The following TRIM14 variants were observed in gnomAD, a reference collection of about 807,000 sequenced individuals.
TRIM14 encodes the protein tripartite motif containing 14.
TRIM14 carries 28 observed loss-of-function variants against 44.5 expected under a neutral mutation model. That is an observed-to-expected ratio of 0.63 (90% confidence interval 0.47 to 0.86). The LOEUF (loss-of-function observed/expected upper bound fraction) is 0.86, where lower values mean the gene tolerates loss of function less well. Among genes scored for constraint, TRIM14 ranks in the 40% least tolerant of loss-of-function variants. TRIM14 has a pLI of 0.00. For synonymous variants in TRIM14, 299 were observed against 269.2 expected (o/e 1.11, Z -1.08); for missense variants, 607 against 611.1 (o/e 0.99, Z 0.07).
downstream of TRIM14, among the ~76,000 whole-genome samples, chr9:98,083,915 C>T (rs764245522): frequency 6.6e-6 from 1 of 152,134 alleles, no homozygotes; most frequent in Non-Finnish European, 1.5e-5. Context: ...TTTGTTTACA[C>T]GTAAGTGAGA....
chr9:98,092,445 C>T, intron 4 of TRIM14: 1 of 361,468 alleles, frequency 2.8e-6, no homozygotes, highest in Non-Finnish European at 5.6e-6. Flanking sequence ...ACCCTTCCCC[C>T]CTTGCCCAGG....
At chr9:98,081,395 GGAGT>G, downstream of TRIM14, 1 of 310,528 alleles carries the variant, frequency 3.2e-6, no homozygotes, top group Non-Finnish European at 6.0e-6. Flanking sequence ...ATATGTAACA[GGAGT>G]GAGGCCCTGG....
At chr9:98,067,536 A>G (rs1829183890), downstream of TRIM14, among the ~76,000 whole-genome samples, 1 of 152,160 alleles carries the variant, frequency 6.6e-6, no homozygotes, top group African/African-American at 2.4e-5. Flanking sequence ...CTTTGGAAGA[A>G]TGTCTATTCA....
chr9:98,076,657 C>A (rs1326633111), intron 6 of TRIM14: 1 of 411,648 alleles, frequency 2.4e-6, no homozygotes, highest in Non-Finnish European at 4.3e-6. Context: ...TGAGCCACCA[C>A]GCCCAGCCCT....
chr9:98,102,552 C>T (rs1406074785), intron 2 of TRIM14, among the ~76,000 whole-genome samples: 1 of 152,162 alleles, frequency 6.6e-6, no homozygotes, highest in East Asian at 1.9e-4. Flanking sequence ...ACCTCGAAGA[C>T]ATCATCCCCA....
At position 98,077,145 on chromosome 9, in the gene TRIM14, T is replaced by C. The variant is rs553275973; in HGVS notation, c.*29-7458A>G. 6.9e-5 allele frequency: 48 copies of C among 699,266 alleles called. No individual in the cohort carries two copies. The South Asian group carries it at 9.1e-4, about 13-fold the overall frequency. 43.3% of individuals were successfully genotyped at this position (699,266 alleles called of 1,614,324 possible). A position where few individuals can be genotyped will look rare whatever the true frequency, so the allele number is the denominator to read the frequency against. On this transcript the variant is annotated intron_variant, in intron 6 of 6. Coordinates refer to the TRIM14 transcript ENST00000375098. ...TTTAGCCTCTTTTCATTTTTTTAAA[T>C]AGAGATAGGGTCTCGCTGTGTTGGC...
chr9:98,065,910 C>G (rs1174397785), downstream of TRIM14, among the ~76,000 whole-genome samples: 1 of 152,130 alleles, frequency 6.6e-6, no homozygotes, highest in African/African-American at 2.4e-5. Context: ...CTTTTGCCCC[C>G]CACCATGATT....
At position 98,113,090 on chromosome 9, in the gene TRIM14, G is replaced by A. The variant is rs192372658; in HGVS notation, c.208-3106C>T. On this transcript the variant is annotated intron_variant, in intron 1 of 5. Transcript: ENST00000341469. The stretch of plus-strand genomic sequence containing the variant: ...TTCATGCCACTGCACTCCAGCCTGG[G>A]CAACAAGAGCGAAACTCCATCTCAA... Among the ~76,000 whole-genome samples the A allele has an allele frequency of 3.5e-3, 468 of 133,980 alleles. 1 individual carries two copies. The highest frequency in any genetic ancestry group is 5.4e-3 in the Non-Finnish European group (349 of 64,814). 87.9% of individuals were successfully genotyped at this position (133,980 alleles called of 152,430 possible).
rs764229044 is a variant in TRIM14 at position 98,094,985 on chromosome 9, G to A, written c.582C>T (p.Leu194=). Residue 194 remains leucine (L), a synonymous_variant, in exon 4 of 6, where the codon CTC becomes CTT. Coordinates refer to ENST00000341469, the MANE Select transcript of TRIM14 (RefSeq NM_014788.4). ...GGGGCACGGGATGGCACAGCTCCCC[G>A]AGGCTCATCTGCTGCTGCATCTCCT... The part of the protein sequence containing the change: ...TEQEMQQQMS[L]GELCHPVPLS... The A allele has an allele frequency of 1.3e-5, 21 of 1,613,952 alleles. No individual in the cohort carries two copies. The East Asian group carries it at 2.5e-4, about 19-fold the overall frequency.
At chr9:98,082,059 C>G (rs1164737590), downstream of TRIM14, 3 of 152,112 alleles carry the variant, frequency 2.0e-5, no homozygotes, top group Non-Finnish European at 4.4e-5. Flanking sequence ...ATTCCTTGTA[C>G]TCTTACGTGG....
the TRIM14 span, among the ~76,000 whole-genome samples, chr9:98,047,008 T>C: frequency 5.3e-5 from 8 of 152,272 alleles, no homozygotes; most frequent in South Asian, 1.7e-3. Flanking sequence ...TTTGATTCAG[T>C]ATCACTGCAA....
At chr9:98,074,942 GTTT>G (rs1375406553) in intron 6 of TRIM14, 1 of 152,098 alleles carries the variant, frequency 6.6e-6, no homozygotes. Context: ...TAAAACTGAT[GTTT>G]TTTCAGTTCT....
At chr9:98,054,036 T>C in the TRIM14 span, among the ~76,000 whole-genome samples, 1 of 152,138 alleles carries the variant, frequency 6.6e-6, no homozygotes, top group African/African-American at 2.4e-5. Context: ...TTGGTCCCTA[T>C]CATCTTTGAT....
chr9:98,094,378 C>T (rs1826107267), intron 4 of TRIM14, among the ~76,000 whole-genome samples: 1 of 152,156 alleles, frequency 6.6e-6, no homozygotes, highest in African/African-American at 2.4e-5. Flanking sequence ...TCCATGTATC[C>T]ACTTCATGAG....
At chr9:98,070,899 C>T (rs1015861650) in intron 6 of TRIM14, among the ~76,000 whole-genome samples, 4 of 150,990 alleles carry the variant, frequency 2.6e-5, no homozygotes, top group Admixed American at 1.3e-4. Flanking sequence ...GCAGCCTTGA[C>T]GGCCCAGGCT....
At chr9:98,053,700 A>T in the TRIM14 span, among the ~76,000 whole-genome samples, 1 of 152,042 alleles carries the variant, frequency 6.6e-6, no homozygotes, top group Non-Finnish European at 1.5e-5. Context: ...TTTTGCCGGC[A>T]TACCAGGTTT....
Position 98,095,086 on chromosome 9 carries a change from C to T in TRIM14, c.538-57G>A. 2 of 1,566,376 alleles carry T rather than the reference C, an allele frequency of 1.3e-6. No homozygotes were observed. Among genetic ancestry groups the T allele is most frequent in the Non-Finnish European group, 1.7e-6 (2 of 1,160,626 alleles). ...TGGGAGATGCAGGCAGCATCCCAGCCTCCTGTGCTGCACCCAGGAACAAAC... is the reference window on the plus strand; with the variant it reads ...TGGGAGATGCAGGCAGCATCCCAGCTTCCTGTGCTGCACCCAGGAACAAAC... On this transcript the variant is annotated intron_variant, in intron 3 of 5. Coordinates refer to ENST00000341469, the MANE Select transcript of TRIM14 (RefSeq NM_014788.4). This position sits in a 1 kb window ranked among gnomAD's most constrained non-coding sequence, Gnocchi z 4.1.
the TRIM14 span, among the ~76,000 whole-genome samples, chr9:98,036,500 GAAAAAAA>G: frequency 7.1e-3 from 728 of 102,540 alleles, 3 homozygotes; most frequent in South Asian, 0.016. Context: ...GACTCCATCT[GAAAAAAA>G]AAAAAAAAAA....
intron 2 of TRIM14, among the ~76,000 whole-genome samples, chr9:98,105,044 G>A (rs972026124): frequency 6.6e-6 from 1 of 152,206 alleles, no homozygotes; most frequent in Non-Finnish European, 1.5e-5. Context: ...ATGCCCAGCA[G>A]GGGCAATGGA....
Sources: allele counts gnomAD v4.1 joint callset (sites outside exome capture counted in the v4.1 genomes callset), GRCh38; gene constraint gnomAD v4.1.1; non-coding constraint Gnocchi (gnomAD v3.1); transcripts MANE v1.5; gene names NCBI Gene and HGNC (gene_info 2026-07-23, HGNC 2026-07-21).